The following CRISP3 variants were observed in gnomAD, a reference collection of about 807,000 sequenced individuals.
CRISP3 encodes cysteine-rich secretory protein 3.
A neutral mutation model predicts 36.1 loss-of-function variants in CRISP3; 33 were observed. That is an observed-to-expected ratio of 0.91 (90% confidence interval 0.69 to 1.22). CRISP3 has a LOEUF of 1.22. Among genes scored for constraint, CRISP3 ranks in the 50% most tolerant of loss-of-function variants. The probability of loss-of-function intolerance (pLI) is 0.00; values close to 1 mark genes in which losing one functional copy is unlikely to be tolerated. For synonymous variants in CRISP3, 117 were observed against 104.6 expected (o/e 1.12, Z -0.72); for missense variants, 330 against 301.2 (o/e 1.10, Z -0.71).
rs868682604 is a variant in CRISP3 at position 49,736,489 on chromosome 6, A to C, written c.130T>G (p.Leu44Val). Residue 44 changes from leucine to valine, a missense_variant, in exon 3 of 8, where the codon TTG becomes GTG. Leu to Val is a conservative substitution (Grantham distance 32, BLOSUM62 1). Coordinates refer to ENST00000263045, the MANE Select transcript of CRISP3 (RefSeq NM_006061.4). ...TGCACTTGTGTTTGGGTGGTTAACA[A>C]AGCAGTAAAAGCGGGATCCTAAGGG... The part of the protein sequence containing the change: ...NEDKDPAFTA[L>V]LTTQTQVQRE... The C allele has an allele frequency of 4.3e-6, 7 of 1,612,748 alleles. No homozygotes were observed. The Middle Eastern group carries it at 9.9e-4, about 228-fold the overall frequency.
chr6:49,744,202 T>A (rs1769276101), intron 1 of CRISP3, 129 bp downstream of exon 1: 2 of 594,686 alleles, frequency 3.4e-6, no homozygotes, highest in East Asian at 6.4e-5. Flanking sequence ...CATTAAAAGT[T>A]ATCAATAAAC....
chr6:49,729,415 GA>G (rs1317835787), intron 7 of CRISP3, among the ~76,000 whole-genome samples: 5 of 152,168 alleles, frequency 3.3e-5, no homozygotes, highest in African/African-American at 1.2e-4. Flanking sequence ...ATTATTATAG[GA>G]AGATGTAAAT....
intron 2 of CRISP3, 137 bp downstream of exon 2, chr6:49,737,188 A>T (rs1464645855): frequency 4.8e-6 from 3 of 629,478 alleles, no homozygotes; most frequent in Non-Finnish European, 5.6e-6. Context: ...AATTATGTTA[A>T]CTACCTTGAG....
intron 7 of CRISP3, among the ~76,000 whole-genome samples, chr6:49,730,363 G>T (rs1768885740): frequency 6.6e-6 from 1 of 151,950 alleles, no homozygotes; most frequent in Non-Finnish European, 1.5e-5. Context: ...AAGCAGAAGT[G>T]CAAGTGATTA....
At chr6:49,734,402 C>T (rs1768991247) in intron 4 of CRISP3, among the ~76,000 whole-genome samples, 1 of 152,162 alleles carries the variant, frequency 6.6e-6, no homozygotes, top group Non-Finnish European at 1.5e-5. Context: ...TCACAGGTTA[C>T]AGGCCTCCTC....
intron 2 of CRISP3, 27 bp from the exon 3 acceptor site, chr6:49,736,534 C>G: frequency 6.8e-7 from 1 of 1,475,744 alleles, no homozygotes; most frequent in Non-Finnish European, 9.5e-7. Flanking sequence ...TTACAATTAT[C>G]TTTTAACATT....
chr6:49,731,204 G>T lies in CRISP3; in HGVS notation c.608C>A (p.Pro203His), dbSNP rs145784294. 1.9e-6 allele frequency: 3 copies of T among 1,611,680 alleles called. No homozygotes were observed. Among genetic ancestry groups the T allele is most frequent in the African/African-American group, 2.7e-5 (2 of 74,822 alleles). Residue 203 changes from proline (P) to histidine (H), a missense_variant, in exon 7 of 8, where the codon CCT (proline) becomes CAT (histidine). Coordinates refer to ENST00000263045, the MANE Select transcript of CRISP3 (RefSeq NM_006061.4). ...RLYVPYEQGA[P>H]CASCPDNCDD... is the part of the protein sequence containing the mutation. Reference sequence around the variant, plus strand: ...ACAGTTATCTGGGCAACTGGCACAAGGTGCTCCTTGTTCATAAGGGACATA... The same window carrying T: ...ACAGTTATCTGGGCAACTGGCACAATGTGCTCCTTGTTCATAAGGGACATA...
chr6:49,729,765 T>C (rs868135194), intron 7 of CRISP3, among the ~76,000 whole-genome samples: 16 of 152,288 alleles, frequency 1.1e-4, no homozygotes, highest in Admixed American at 1.3e-4. Flanking sequence ...TATTTTTTCA[T>C]TCATTTTGCC....
intron 3 of CRISP3, among the ~76,000 whole-genome samples, chr6:49,735,840 G>A (rs1385264142): frequency 2.0e-5 from 3 of 152,070 alleles, no homozygotes; most frequent in African/African-American, 7.2e-5. Flanking sequence ...TTTATCACAG[G>A]ACATCAGAAA....
At chr6:49,741,132 A>AAC (rs373809017) in intron 1 of CRISP3, among the ~76,000 whole-genome samples, 4 of 86,904 alleles carry the variant, frequency 4.6e-5, no homozygotes, top group African/African-American at 1.3e-4. Context: ...AACAAAAAAA[A>AAC]CAAACAAAAA....
At chr6:49,730,539 A>C (rs575483925) in intron 7 of CRISP3, among the ~76,000 whole-genome samples, 2 of 152,234 alleles carry the variant, frequency 1.3e-5, no homozygotes, top group Middle Eastern at 3.4e-3. Flanking sequence ...CCTTTTTTAA[A>C]ATAATGCTGT....
Sources: allele counts gnomAD v4.1 joint callset (sites outside exome capture counted in the v4.1 genomes callset), GRCh38; gene constraint gnomAD v4.1.1; transcripts MANE v1.5; gene names NCBI Gene and HGNC (gene_info 2026-07-23, HGNC 2026-07-21).